Variants in SMC6 observed in about 807,000 individuals in gnomAD.
SMC6 encodes the protein structural maintenance of chromosomes 6.
Under a neutral mutation model 142.2 loss-of-function variants are expected in SMC6, and 79 were observed. The ratio of observed to expected loss-of-function variants is 0.56; its 90% CI spans 0.46 to 0.67. SMC6 has a LOEUF of 0.67. Among genes scored for constraint, SMC6 ranks in the 30% least tolerant of loss-of-function variants. The pLI is 0.00. For synonymous variants in SMC6, 411 were observed against 412.4 expected (o/e 1.00, Z 0.04); for missense variants, 1,072 against 1,284.0 (o/e 0.83, Z 2.52).
At position 17,663,864 on chromosome 2, in the gene SMC6, C is replaced by T. The variant is rs180993713; in HGVS notation, c.*1635G>A. 2 of 152,126 alleles carry T rather than the reference C, an allele frequency of 1.3e-5. No homozygotes were observed. Among genetic ancestry groups the T allele is most frequent in the Non-Finnish European group, 2.9e-5 (2 of 68,002 alleles). 9.4% of individuals were successfully genotyped at this position (152,126 alleles called of 1,614,324 possible). A position where few individuals can be genotyped will look rare whatever the true frequency, so the allele number is the denominator to read the frequency against. ...AGAAGTTACACATATTTTAAAAGAA[C>T]AATTTCTTTTTATTCTTTCATTCTA... On this transcript the variant is annotated 3_prime_UTR_variant, in exon 28 of 28. Coordinates refer to ENST00000448223, the MANE Select transcript of SMC6 (RefSeq NM_001142286.2).
chr2:17,683,344 T>C (rs548802349), intron 24 of SMC6, among the ~76,000 whole-genome samples: 2 of 152,220 alleles, frequency 1.3e-5, no homozygotes, highest in African/African-American at 4.8e-5. Context: ...AAACATGCAA[T>C]AGTCAAGGGT....
At chr2:17,753,165 A>C in intron 1 of SMC6, 101 bp from the exon 2 acceptor site, 1 of 237,328 alleles carries the variant, frequency 4.2e-6, no homozygotes, top group Non-Finnish European at 6.8e-6. Context: ...CTGGGCTTTA[A>C]TGACAAATCC....
rs536159105 is a variant in SMC6 at position 17,724,720 on chromosome 2, A to C, written c.726+537T>G. ...TGATTTAAAGCGCAAGCAAATTTGC[A>C]AGCTGCCAAGCCTGGTGAGTAAGGA... On this transcript the variant is annotated intron_variant, in intron 9 of 27. Coordinates refer to ENST00000448223, the MANE Select transcript of SMC6 (RefSeq NM_001142286.2). Among the ~76,000 whole-genome samples, 44 of 152,338 alleles carry C rather than the reference A, an allele frequency of 2.9e-4. No homozygotes were observed. In the East Asian group the frequency reaches 8.1e-3, roughly 28 times the overall value.
intron 6 of SMC6, 93 bp from the exon 7 acceptor site, chr2:17,731,232 A>G: frequency 1.2e-6 from 1 of 806,358 alleles, no homozygotes; most frequent in Non-Finnish European, 2.0e-6. Context: ...AATATTAGTT[A>G]GCTTTCATTG....
At chr2:17,673,462 A>G (rs1366335966) in intron 25 of SMC6, among the ~76,000 whole-genome samples, 7 of 151,994 alleles carry the variant, frequency 4.6e-5, no homozygotes, top group Non-Finnish European at 8.8e-5. Context: ...TTCCTCTAGA[A>G]GCTTGTTTTA....
At chr2:17,738,690 T>A (rs1318951005) in intron 4 of SMC6, among the ~76,000 whole-genome samples, 1 of 152,246 alleles carries the variant, frequency 6.6e-6, no homozygotes, top group Non-Finnish European at 1.5e-5. Flanking sequence ...TTAATTCATC[T>A]AATTTTTATG....
In SMC6 at chr2:17,745,875, C is replaced by T; in HGVS notation, c.72G>A (p.Glu24=). 3.7e-6 allele frequency: 6 copies of T among 1,612,454 alleles called. No homozygotes were observed. Among genetic ancestry groups the T allele is most frequent in the Non-Finnish European group, 5.1e-6 (6 of 1,179,408 alleles). ...NAKRPRQEEL[E]DFDKDGDEDE... is the part of the protein sequence containing the mutation. ...CTTCGTCACCATCTTTATCAAAATC[C>T]TCCAATTCTTCTTGTCTTGGCCTTT... Residue 24 remains glutamate (E), a synonymous_variant, in exon 3 of 28, where the codon GAG becomes GAA. Transcript: ENST00000448223.
chr2:17,693,133 G>A (rs946680697), intron 23 of SMC6, among the ~76,000 whole-genome samples: 1 of 152,182 alleles, frequency 6.6e-6, no homozygotes, highest in African/African-American at 2.4e-5. Context: ...TTCAACCACT[G>A]TGGAAGTCAG....
intron 22 of SMC6, 69 bp from the exon 23 acceptor site, chr2:17,695,366 C>T: frequency 7.5e-7 from 1 of 1,334,876 alleles, no homozygotes; most frequent in Non-Finnish European, 1.0e-6. Flanking sequence ...CTACTTGTGC[C>T]AAAATCTGCA....
chr2:17,710,164 T>A (rs1668756323), intron 16 of SMC6, among the ~76,000 whole-genome samples: 1 of 152,188 alleles, frequency 6.6e-6, no homozygotes, highest in Non-Finnish European at 1.5e-5. Flanking sequence ...AAGGGAAACA[T>A]GATGATGGCG....
chr2:17,707,456 T>C (rs1340906052), intron 17 of SMC6, 77 bp from the exon 18 acceptor site: 11 of 846,534 alleles, frequency 1.3e-5, no homozygotes, highest in Non-Finnish European at 1.8e-5. Flanking sequence ...AAAATGTTAC[T>C]CGTCCTTATT....
At chr2:17,677,524 T>C (rs1289789174) in intron 25 of SMC6, among the ~76,000 whole-genome samples, 2 of 152,150 alleles carry the variant, frequency 1.3e-5, no homozygotes, top group Non-Finnish European at 2.9e-5. Flanking sequence ...CGTCCAGCAA[T>C]TGTCAGCTTA....
intron 7 of SMC6, among the ~76,000 whole-genome samples, chr2:17,727,772 CA>C (rs1489560996): frequency 3.3e-5 from 5 of 152,102 alleles, no homozygotes; most frequent in Non-Finnish European, 7.4e-5. Context: ...TCACTGTCTA[CA>C]AAATAAATAT....
At chr2:17,729,362 CTT>C (rs1218893349) in intron 7 of SMC6, among the ~76,000 whole-genome samples, 2 of 152,156 alleles carry the variant, frequency 1.3e-5, no homozygotes, top group African/African-American at 4.8e-5. Flanking sequence ...GACTAGGAAT[CTT>C]TAAATATTTC....
chr2:17,683,296 T>C (rs1667313744), intron 24 of SMC6, among the ~76,000 whole-genome samples: 1 of 152,214 alleles, frequency 6.6e-6, no homozygotes, highest in African/African-American at 2.4e-5. Context: ...ACTGAGGTAT[T>C]ACCTTTATAG....
intron 5 of SMC6, among the ~76,000 whole-genome samples, chr2:17,732,078 A>G (rs1465424892): frequency 6.6e-6 from 1 of 152,258 alleles, no homozygotes; most frequent in African/African-American, 2.4e-5. Flanking sequence ...AATAAAGTTG[A>G]GAATAAGTGA....
At chr2:17,671,755 T>C (rs1666775828) in intron 25 of SMC6, among the ~76,000 whole-genome samples, 1 of 151,786 alleles carries the variant, frequency 6.6e-6, no homozygotes, top group South Asian at 2.1e-4. Flanking sequence ...TAAAGGTCCA[T>C]GGAAACAATA....
intron 3 of SMC6, among the ~76,000 whole-genome samples, chr2:17,743,632 C>A (rs895400782): frequency 2.6e-5 from 4 of 152,026 alleles, no homozygotes; most frequent in African/African-American, 9.7e-5. Flanking sequence ...AGGGTTCACT[C>A]GATATTATTG....
intron 16 of SMC6, among the ~76,000 whole-genome samples, chr2:17,710,814 C>G (rs1668790329): frequency 6.6e-6 from 1 of 151,876 alleles, no homozygotes; most frequent in African/African-American, 2.4e-5. Flanking sequence ...GGAGAAGGTT[C>G]AAGAAAGAAG....
Sources: allele counts gnomAD v4.1 joint callset (sites outside exome capture counted in the v4.1 genomes callset), GRCh38; gene constraint gnomAD v4.1.1; transcripts MANE v1.5; gene names NCBI Gene and HGNC (gene_info 2026-07-23, HGNC 2026-07-21).